The following ERO1B variants were observed in gnomAD, a reference collection of about 807,000 sequenced individuals.
ERO1B encodes the protein ERO1-like protein beta.
A neutral mutation model predicts 75.3 loss-of-function variants in ERO1B; 49 were observed. The observed-to-expected ratio is 0.65, with a 90% CI of 0.52 to 0.83. The LOEUF is 0.83. Ranked by LOEUF, ERO1B falls within the 40% of genes least tolerant of loss-of-function variation. The pLI, the probability that ERO1B is intolerant of heterozygous loss-of-function variation, is 0.00. For synonymous variants in ERO1B, 191 were observed against 192.9 expected (o/e 0.99, Z 0.08); for missense variants, 512 against 560.1 (o/e 0.91, Z 0.87).
chr1:236,243,865 A>G (rs1237473281), intron 5 of ERO1B, among the ~76,000 whole-genome samples: 2 of 152,112 alleles, frequency 1.3e-5, no homozygotes, highest in African/African-American at 4.8e-5. Context: ...GAAGTAATTA[A>G]ATTTATTTTC....
chr1:236,234,802 A>C (rs1190147029), intron 8 of ERO1B, among the ~76,000 whole-genome samples: 1 of 152,228 alleles, frequency 6.6e-6, no homozygotes, highest in Non-Finnish European at 1.5e-5. Flanking sequence ...CTGGAATGGC[A>C]GGTCAATGAC....
chr1:236,244,049 G>A (rs1664776651), intron 5 of ERO1B, among the ~76,000 whole-genome samples: 1 of 152,080 alleles, frequency 6.6e-6, no homozygotes, highest in Non-Finnish European at 1.5e-5. Flanking sequence ...CTATGATCAA[G>A]ATTTCTAACT....
At chr1:236,270,046 C>T (rs1665557821) in intron 1 of ERO1B, 52 bp from the exon 2 acceptor site, 1 of 1,211,516 alleles carries the variant, frequency 8.3e-7, no homozygotes, top group Non-Finnish European at 1.2e-6. Flanking sequence ...TCAACCTTAA[C>T]AAATCTACAC....
rs1045976795 is a variant in ERO1B at position 236,216,876 on chromosome 1, A to C, written c.*1640T>G. On this transcript the variant is annotated 3_prime_UTR_variant, in exon 16 of 16. Coordinates refer to ENST00000354619, the MANE Select transcript of ERO1B (RefSeq NM_019891.4). ...TAAGGCCCCCCTCCCCCACCATACA[A>C]TACTTGCAACCCTCAAGAAAAAGTA... 6.6e-6 allele frequency: 1 copy of C among 151,554 alleles called. No homozygotes were observed. Among genetic ancestry groups the C allele is most frequent in the Non-Finnish European group, 1.5e-5 (1 of 67,966 alleles). The allele number at this position is 151,554 out of a possible 1,614,324, so 9.4% of individuals were successfully genotyped here. A position where few individuals can be genotyped will look rare whatever the true frequency, so the allele number is the denominator to read the frequency against.
chr1:236,220,005 C>T (rs1185414358), intron 15 of ERO1B, among the ~76,000 whole-genome samples: 1 of 124,094 alleles, frequency 8.1e-6, no homozygotes, highest in Non-Finnish European at 1.6e-5. Flanking sequence ...GCCTGGATGA[C>T]AGAGCGAGAC....
chr1:236,223,772 T>C (rs1749557), intron 13 of ERO1B, among the ~76,000 whole-genome samples: 71,332 of 151,956 alleles, frequency 0.47, 17,476 homozygotes, highest in East Asian at 0.88. Flanking sequence ...ACATATGTGT[T>C]GATACTTAGA....
At chr1:236,240,904 A>G (rs1210938811) in intron 6 of ERO1B, among the ~76,000 whole-genome samples, 2 of 152,200 alleles carry the variant, frequency 1.3e-5, no homozygotes, top group Admixed American at 6.5e-5. Context: ...TATCTTACAC[A>G]GCGAGATGAG....
chr1:236,221,528 G>A (rs576215541), intron 14 of ERO1B, among the ~76,000 whole-genome samples: 1 of 152,232 alleles, frequency 6.6e-6, no homozygotes, highest in Admixed American at 6.5e-5. Flanking sequence ...TTTTGACTAA[G>A]TGACCTTCTT....
intron 15 of ERO1B, chr1:236,220,027 T>TAA (rs1558503946): frequency 2.2e-3 from 286 of 132,886 alleles, no homozygotes; most frequent in African/African-American, 8.4e-3. Context: ...CTCATCTCTT[T>TAA]TAAAAAAAAA....
Position 236,235,986 on chromosome 1 carries a change from G to A in ERO1B, c.627-151C>T, listed in dbSNP as rs549025176. 1.5e-4 allele frequency: 107 copies of A among 710,854 alleles called. 1 individual carries two copies. Among genetic ancestry groups the A allele is most frequent in the African/African-American group, 3.6e-4 (20 of 55,246 alleles). The allele number at this position is 710,854 out of a possible 1,614,324, so 44.0% of individuals were successfully genotyped here. A position where few individuals can be genotyped will look rare whatever the true frequency, so the allele number is the denominator to read the frequency against. ...GTCACCCAGGCTGGAGTACAGTGGCGCAATCTCTGCTCATTGTAACCTCTG... is the reference window on the plus strand; with the variant it reads ...GTCACCCAGGCTGGAGTACAGTGGCACAATCTCTGCTCATTGTAACCTCTG... On this transcript the variant is annotated intron_variant, in intron 7 of 15. Transcript: ENST00000354619.
At chr1:236,222,714 G>C (rs1161898184) in intron 13 of ERO1B, among the ~76,000 whole-genome samples, 1 of 152,116 alleles carries the variant, frequency 6.6e-6, no homozygotes. Flanking sequence ...CTTTGTGTAA[G>C]CCTATATCAG....
At position 236,217,311 on chromosome 1, in the gene ERO1B, C is replaced by T. The variant is rs1726631; in HGVS notation, c.*1205G>A. On this transcript the variant is annotated 3_prime_UTR_variant, in exon 16 of 16. Coordinates refer to ENST00000354619, the MANE Select transcript of ERO1B (RefSeq NM_019891.4). ...AAAAAATCAAGATTTTAAATATTGT[C>T]TAAAGATTTTAAATCCCAGATTTAG... 0.47 allele frequency: 71,768 copies of T among 151,794 alleles called. 17,714 individuals are homozygous for T. Among genetic ancestry groups the T allele is most frequent in the East Asian group, 0.88 (4,549 of 5,180 alleles). 9.4% of individuals were successfully genotyped at this position (151,794 alleles called of 1,614,324 possible).
At position 236,275,033 on chromosome 1, in the gene ERO1B, T is replaced by G. The variant is rs1259184825; in HGVS notation, c.103-5039A>C. On this transcript the variant is annotated intron_variant, in intron 1 of 15. Transcript: ENST00000354619. ...GTGCAAAGATCCTAATGCAGTAAGC[T>G]TGCCCCATGTTTTTGAGGAATAAGG... Among the ~76,000 whole-genome samples, 3 of 152,180 alleles carry G rather than the reference T, an allele frequency of 2.0e-5. No individual in the cohort carries two copies. In the East Asian group the frequency reaches 5.8e-4, roughly 29 times the overall value.
intron 9 of ERO1B, among the ~76,000 whole-genome samples, chr1:236,231,719 C>T (rs918982639): frequency 1.3e-5 from 2 of 151,934 alleles, no homozygotes; most frequent in Admixed American, 6.6e-5. Flanking sequence ...ATAAACTAGA[C>T]GGTGGGGAAT....
intron 1 of ERO1B, among the ~76,000 whole-genome samples, chr1:236,281,061 A>C (rs1374982010): frequency 6.6e-6 from 1 of 152,160 alleles, no homozygotes. Flanking sequence ...AGACCCCCCC[A>C]GTCTCGTATT....
chr1:236,221,485 A>G (rs1664140451), intron 14 of ERO1B, among the ~76,000 whole-genome samples: 1 of 152,216 alleles, frequency 6.6e-6, no homozygotes, highest in Non-Finnish European at 1.5e-5. Context: ...TGGCTTACAC[A>G]GAGTAATGGA....
intron 5 of ERO1B, among the ~76,000 whole-genome samples, chr1:236,243,903 A>G (rs2102950611): frequency 6.6e-6 from 1 of 152,298 alleles, no homozygotes; most frequent in East Asian, 1.9e-4. Context: ...AATTGTGTCT[A>G]TACTTACAAG....
chr1:236,265,085 A>G (rs1665404760), intron 2 of ERO1B, among the ~76,000 whole-genome samples: 1 of 147,098 alleles, frequency 6.8e-6, no homozygotes, highest in South Asian at 2.2e-4. Flanking sequence ...CACACTGGAT[A>G]GTTGTTTTTT....
intron 1 of ERO1B, among the ~76,000 whole-genome samples, chr1:236,273,974 T>C (rs1014703032): frequency 3.7e-4 from 52 of 141,688 alleles, no homozygotes; most frequent in Non-Finnish European, 6.5e-4. Context: ...TGTTGAGCCA[T>C]ATCCTATTTT....
Sources: gnomAD v4.1 joint callset for allele counts (sites outside exome capture counted in the v4.1 genomes callset) on GRCh38, gnomAD v4.1.1 for gene constraint, MANE v1.5 for transcripts, NCBI Gene and HGNC (gene_info 2026-07-23, HGNC 2026-07-21) for gene names.